Variants in GSDMC observed in about 807,000 individuals in gnomAD.
The protein encoded by GSDMC is gasdermin C.
A neutral mutation model predicts 58.0 loss-of-function variants in GSDMC; 59 were observed. The observed-to-expected ratio is 1.02, with a 90% confidence interval of 0.82 to 1.26. The LOEUF (loss-of-function observed/expected upper bound fraction) is 1.26, where lower values mean the gene tolerates loss of function less well. GSDMC is among the 50% of genes most tolerant of loss of function. The pLI is 0.00. For missense variants in GSDMC, 659 were observed against 598.5 expected, an observed-to-expected ratio of 1.10 and a Z score of -1.06; for synonymous variants, 241 against 220.2, an observed-to-expected ratio of 1.09 and a Z score of -0.83.
intron 1 of GSDMC, among the ~76,000 whole-genome samples, chr8:129,778,592 A>G (rs1335643953): frequency 6.6e-6 from 1 of 152,214 alleles, no homozygotes; most frequent in Non-Finnish European, 1.5e-5. Context: ...ATTGCAATAA[A>G]AGCAAAAATT....
chr8:129,728,892 C>T, the GSDMC span: 5 of 657,622 alleles, frequency 7.6e-6, no homozygotes, highest in African/African-American at 5.3e-5. Context: ...CTTCCTCAAG[C>T]ACCAGGCAGG....
the GSDMC span, among the ~76,000 whole-genome samples, chr8:129,709,661 T>C: frequency 0.014 from 2,084 of 152,260 alleles, 56 homozygotes; most frequent in African/African-American, 0.046. Context: ...GCTATGTATC[T>C]CCACACTTCC....
At position 129,777,353 on chromosome 8, in the gene GSDMC, T is replaced by C; in HGVS notation, c.220+15A>G. ...TTTTTCACCCCTCACCTCCTTGGCC[T>C]CTGGCTGACAATACCTAGGACTGAA... On this transcript the variant is annotated intron_variant, in intron 2 of 13. Coordinates refer to ENST00000276708, the MANE Select transcript of GSDMC (RefSeq NM_031415.3). 2.6e-6 allele frequency: 4 copies of C among 1,539,974 alleles called. No individual in the cohort carries two copies. Among genetic ancestry groups the C allele is most frequent in the Non-Finnish European group, 1.8e-6 (2 of 1,112,672 alleles).
chr8:129,740,935 GC>G, the GSDMC span, among the ~76,000 whole-genome samples: 13 of 152,124 alleles, frequency 8.5e-5, no homozygotes, highest in Non-Finnish European at 1.9e-4. Flanking sequence ...GTGTCATGGA[GC>G]TTTTCCCTAT....
In GSDMC at chr8:129,776,303, G is replaced by A. The variant is rs374287910; in HGVS notation, c.221-18C>T. On this transcript the variant is annotated intron_variant, in intron 2 of 13. Transcript: ENST00000276708. ...AACAGTTTCTGGGGAAAGAAAAGAC[G>A]ACCATAGGTTTAGCCAAGAATTCAT... The A allele has an allele frequency of 3.2e-6, 5 of 1,570,994 alleles. No individual in the cohort carries two copies. In the South Asian group the frequency reaches 3.5e-5, roughly 11 times the overall value.
downstream of GSDMC, among the ~76,000 whole-genome samples, chr8:129,746,269 G>A (rs1302096381): frequency 6.6e-6 from 1 of 152,186 alleles, no homozygotes; most frequent in East Asian, 1.9e-4. Context: ...ACAGAAATAT[G>A]TGAAAAGAGA....
In GSDMC at chr8:129,764,183, A is replaced by AT. The variant is rs887005709; in HGVS notation, c.570+1444dup. ...TTTAGGCTTTCCTCAAGTGTCTGTG[A>AT]TTTTTTTTTTCTGTTTTGTTAACGA... On this transcript the variant is annotated intron_variant, in intron 4 of 13. Transcript: ENST00000276708. Among the ~76,000 whole-genome samples, 392 of 149,068 alleles carry AT rather than the reference A, an allele frequency of 2.6e-3. 3 individuals carry two copies. The highest frequency in any genetic ancestry group is 8.4e-3 in the African/African-American group (341 of 40,576).
intron 5 of GSDMC, 36 bp downstream of exon 5, chr8:129,762,590 A>G (rs1256276909): frequency 6.5e-6 from 8 of 1,238,400 alleles, no homozygotes; most frequent in Non-Finnish European, 9.6e-6. Flanking sequence ...CACCCCCTCC[A>G]CTGCCATCTG....
chr8:129,732,976 T>A, the GSDMC span, among the ~76,000 whole-genome samples: 4 of 152,204 alleles, frequency 2.6e-5, no homozygotes, highest in Admixed American at 6.5e-5. Context: ...GCTTTTCCAA[T>A]GGTCTTAGCA....
At position 129,763,762 on chromosome 8, in the gene GSDMC, T is replaced by C. The variant is rs907822341; in HGVS notation, c.571-1031A>G. ...TGGCTAATTTTTTGTTTATATTTTG[T>C]AGAGACAAGGTCTCACTATGTTGCC... On this transcript the variant is annotated intron_variant, in intron 4 of 13. Coordinates refer to ENST00000276708, the MANE Select transcript of GSDMC (RefSeq NM_031415.3). Among the ~76,000 whole-genome samples, 4 of 152,244 alleles carry C rather than the reference T, an allele frequency of 2.6e-5. No individual in the cohort carries two copies. The South Asian group carries it at 8.3e-4, about 32-fold the overall frequency.
chr8:129,719,859 C>G, the GSDMC span, among the ~76,000 whole-genome samples: 1 of 152,106 alleles, frequency 6.6e-6, no homozygotes, highest in African/African-American at 2.4e-5. Flanking sequence ...GCACAAGAAT[C>G]TCTTGAAATC....
intron 4 of GSDMC, among the ~76,000 whole-genome samples, chr8:129,764,323 T>G (rs1476551382): frequency 6.6e-6 from 1 of 152,072 alleles, no homozygotes; most frequent in African/African-American, 2.4e-5. Context: ...GTGGTTGGGG[T>G]TTTTTTAGTT....
the GSDMC span, among the ~76,000 whole-genome samples, chr8:129,742,585 T>TC: frequency 6.6e-6 from 1 of 152,134 alleles, no homozygotes. Context: ...TGCCTTGGCT[T>TC]CCCCAGACTC....
intron 5 of GSDMC, among the ~76,000 whole-genome samples, chr8:129,761,172 ATCT>A (rs1374891797): frequency 1.1e-4 from 16 of 152,148 alleles, no homozygotes; most frequent in Admixed American, 9.2e-4. Flanking sequence ...TGGAGATGAG[ATCT>A]TCTCTCCCTA....
chr8:129,779,759 T>C (rs1157790041), intron 1 of GSDMC, among the ~76,000 whole-genome samples: 1 of 152,054 alleles, frequency 6.6e-6, no homozygotes, highest in Admixed American at 6.5e-5. Flanking sequence ...CAGGAAAACA[T>C]CACCTTACCA....
At chr8:129,784,889 T>C (rs1255377941) in intron 1 of GSDMC, among the ~76,000 whole-genome samples, 1 of 152,166 alleles carries the variant, frequency 6.6e-6, no homozygotes, top group Admixed American at 6.5e-5. Context: ...GTGGTACATA[T>C]ACATAACAGA....
Position 129,749,525 on chromosome 8 carries a change from A to G in GSDMC, c.1214T>C (p.Val405Ala), listed in dbSNP as rs748724070. The stretch of plus-strand genomic sequence containing the variant: ...CAAATCGTGTTGGAAGTCACTCAGC[A>G]CTGAGGGTGGGGGACATGTGGGGAA... ...PILYLLEAIM[V>A]LSDFQHDLLA... Residue 405 changes from valine to alanine, a missense_variant and splice_region_variant, in exon 13 of 14, where the codon GTG becomes GCG. Physicochemically the swap from Val to Ala is moderately conservative, Grantham distance 64 (BLOSUM62 0). Transcript: ENST00000276708. The G allele has an allele frequency of 1.9e-6, 3 of 1,612,352 alleles. No homozygotes were observed. The highest frequency in any genetic ancestry group is 2.5e-6 in the Non-Finnish European group (3 of 1,178,512).
the GSDMC span, chr8:129,706,922 T>A: frequency 6.6e-6 from 1 of 152,238 alleles, no homozygotes; most frequent in East Asian, 1.9e-4. Context: ...TAAACGTTTA[T>A]GGAGCATTCA....
chr8:129,735,550 A>G, the GSDMC span, among the ~76,000 whole-genome samples: 3 of 152,246 alleles, frequency 2.0e-5, no homozygotes, highest in East Asian at 1.9e-4. Flanking sequence ...CTGCTCCTGA[A>G]TGACTACTGG....
Sources: gnomAD v4.1 joint callset for allele counts (sites outside exome capture counted in the v4.1 genomes callset) on GRCh38, gnomAD v4.1.1 for gene constraint, MANE v1.5 for transcripts, NCBI Gene and HGNC (gene_info 2026-07-23, HGNC 2026-07-21) for gene names.